SCAPER: variants seen among roughly 807,000 people sequenced by gnomAD.
The protein encoded by SCAPER is S-phase cyclin A associated protein in the ER.
SCAPER carries 98 observed loss-of-function variants against 182.2 expected under a neutral mutation model. The ratio of observed to expected loss-of-function variants is 0.54; its 90% CI spans 0.46 to 0.64. The LOEUF is 0.64. Among genes scored for constraint, SCAPER ranks in the 30% least tolerant of loss-of-function variants. SCAPER has a pLI of 0.00. For synonymous variants in SCAPER, 605 were observed against 564.6 expected (o/e 1.07, Z -1.01); for missense variants, 1,432 against 1,690.0 (o/e 0.85, Z 2.68).
At chr15:76,885,980 T>C (rs1159148078) in intron 1 of SCAPER, among the ~76,000 whole-genome samples, 2 of 152,254 alleles carry the variant, frequency 1.3e-5, no homozygotes, top group Non-Finnish European at 2.9e-5. Flanking sequence ...GCAGGTATCA[T>C]TTTGGTATAT....
intron 8 of SCAPER, among the ~76,000 whole-genome samples, chr15:76,787,253 C>T (rs1048409473): frequency 1.3e-5 from 2 of 152,134 alleles, no homozygotes; most frequent in African/African-American, 2.4e-5. Flanking sequence ...TTAATCAAGT[C>T]AGTATAGAAT....
At chr15:76,656,990 T>C (rs1020497040) in intron 21 of SCAPER, among the ~76,000 whole-genome samples, 5 of 151,894 alleles carry the variant, frequency 3.3e-5, no homozygotes, top group Non-Finnish European at 5.9e-5. Flanking sequence ...CCAGATGAAG[T>C]AGAGGAAGAG....
intron 25 of SCAPER, among the ~76,000 whole-genome samples, chr15:76,464,144 C>T (rs1037180247): frequency 5.3e-5 from 8 of 150,762 alleles, no homozygotes; most frequent in African/African-American, 9.7e-5. Flanking sequence ...TTGACTGAAA[C>T]GCTAAACCTA....
At chr15:76,726,580 AG>A (rs778327700) in intron 17 of SCAPER, among the ~76,000 whole-genome samples, 11 of 152,064 alleles carry the variant, frequency 7.2e-5, no homozygotes, top group Non-Finnish European at 5.9e-5. Context: ...AATAGTCAAA[AG>A]GTAGAAGCAA....
chr15:76,557,033 C>A (rs1428654106), intron 23 of SCAPER, among the ~76,000 whole-genome samples: 1 of 152,018 alleles, frequency 6.6e-6, no homozygotes, highest in African/African-American at 2.4e-5. Context: ...TATAAAGAAT[C>A]TAGGAATGTA....
chr15:76,719,909 A>C (rs1275331419), intron 17 of SCAPER, among the ~76,000 whole-genome samples: 2 of 152,134 alleles, frequency 1.3e-5, no homozygotes, highest in Non-Finnish European at 2.9e-5. Context: ...GCTGAAACAA[A>C]ATAAATGGTA....
intron 29 of SCAPER, among the ~76,000 whole-genome samples, chr15:76,359,143 G>A (rs920637096): frequency 3.3e-5 from 5 of 152,138 alleles, no homozygotes; most frequent in African/African-American, 7.2e-5. Flanking sequence ...GTCTTCTCCC[G>A]CTAGACCTGA....
chr15:76,404,740 C>T (rs2044705102), intron 26 of SCAPER, 61 bp from the exon 27 acceptor site: 9 of 1,533,628 alleles, frequency 5.9e-6, no homozygotes, highest in Admixed American at 3.6e-5. Context: ...TCTTCACCTT[C>T]AATGATAAAT....
chr15:76,662,728 C>A (rs766998022), intron 21 of SCAPER, among the ~76,000 whole-genome samples: 5 of 151,926 alleles, frequency 3.3e-5, no homozygotes, highest in African/African-American at 7.2e-5. Flanking sequence ...AAAGAAAAAT[C>A]TTTTCAAAAA....
chr15:76,803,570 T>C (rs1177281811), intron 6 of SCAPER, among the ~76,000 whole-genome samples: 2 of 152,220 alleles, frequency 1.3e-5, no homozygotes, highest in Non-Finnish European at 2.9e-5. Context: ...AAGAAATTTA[T>C]TTCTCATAGT....
chr15:76,887,454 A>G (rs905431653), intron 1 of SCAPER, among the ~76,000 whole-genome samples: 6 of 152,032 alleles, frequency 3.9e-5, no homozygotes, highest in African/African-American at 4.8e-5. Flanking sequence ...TCGCCCAAAT[A>G]CCGCGCTTTT....
Position 76,592,710 on chromosome 15 carries a change from C to T in SCAPER, c.2712-18426G>A, listed in dbSNP as rs765701728. On this transcript the variant is annotated intron_variant, in intron 22 of 31. Transcript: ENST00000563290. ...GTGAGGTGTTGCCTCACCTGGGACG[C>T]GCAAGGGTTTGGGGAACTCCCTCCC... Among the ~76,000 whole-genome samples, 21 of 122,652 alleles carry T rather than the reference C, an allele frequency of 1.7e-4. 3 individuals carry two copies. The highest frequency in any genetic ancestry group is 4.5e-4 in the Admixed American group (5 of 10,994). The allele number at this position is 122,652 out of a possible 152,430, so 80.5% of individuals were successfully genotyped here. A position where few individuals can be genotyped will look rare whatever the true frequency, so the allele number is the denominator to read the frequency against.
At chr15:76,800,548 T>C (rs2065703906) in intron 6 of SCAPER, among the ~76,000 whole-genome samples, 184 bp from the exon 7 acceptor site, 2 of 152,144 alleles carry the variant, frequency 1.3e-5, no homozygotes, top group Non-Finnish European at 2.9e-5. Context: ...ATACTATCAG[T>C]GAGAAATCAT....
At chr15:76,466,861 C>T (rs562522881) in intron 25 of SCAPER, among the ~76,000 whole-genome samples, 7 of 152,106 alleles carry the variant, frequency 4.6e-5, no homozygotes, top group Non-Finnish European at 8.8e-5. Flanking sequence ...CTCTTCCTTT[C>T]TCTGGTATCT....
At chr15:76,524,873 T>C (rs2043089933) in intron 23 of SCAPER, among the ~76,000 whole-genome samples, 1 of 152,030 alleles carries the variant, frequency 6.6e-6, no homozygotes, top group South Asian at 2.1e-4. Context: ...TAATCCATTG[T>C]ATGCCCCTTA....
intron 21 of SCAPER, among the ~76,000 whole-genome samples, chr15:76,626,517 G>C (rs1285861749): frequency 1.3e-5 from 2 of 152,202 alleles, no homozygotes; most frequent in Non-Finnish European, 2.9e-5. Context: ...AGGAGTTCAA[G>C]ACCAGCCTGG....
intron 24 of SCAPER, among the ~76,000 whole-genome samples, chr15:76,503,319 C>T (rs1169108008): frequency 2.0e-5 from 3 of 152,092 alleles, no homozygotes; most frequent in Admixed American, 6.5e-5. Context: ...GAATAGCAAC[C>T]CTTCTGGGTT....
chr15:76,539,735 C>T (rs2044562849), intron 23 of SCAPER, among the ~76,000 whole-genome samples: 1 of 151,856 alleles, frequency 6.6e-6, no homozygotes, highest in Non-Finnish European at 1.5e-5. Flanking sequence ...TTAGTAGAGA[C>T]GGGGTTTCAC....
intron 20 of SCAPER, among the ~76,000 whole-genome samples, chr15:76,680,431 T>C (rs867017024): frequency 6.7e-6 from 1 of 149,542 alleles, no homozygotes; most frequent in African/African-American, 2.5e-5. Context: ...ATAATAATAA[T>C]AATAATAATA....
Sources: gnomAD v4.1 joint callset for allele counts (sites outside exome capture counted in the v4.1 genomes callset) on GRCh38, gnomAD v4.1.1 for gene constraint, MANE v1.5 for transcripts, NCBI Gene and HGNC (gene_info 2026-07-23, HGNC 2026-07-21) for gene names.